The following TFB1M variants were observed in gnomAD, a reference collection of about 807,000 sequenced individuals.
The protein encoded by TFB1M is dimethyladenosine transferase 1, mitochondrial.
A neutral mutation model predicts 31.1 loss-of-function variants in TFB1M; 27 were observed. The observed-to-expected ratio is 0.87, with a 90% confidence interval of 0.64 to 1.20. The LOEUF is 1.20. TFB1M is among the 50% of genes most tolerant of loss of function. TFB1M has a pLI of 0.00. For synonymous variants in TFB1M, 166 were observed against 151.8 expected, an observed-to-expected ratio of 1.09 and a Z score of -0.69; for missense variants, 394 against 418.7, an observed-to-expected ratio of 0.94 and a Z score of 0.51.
intron 5 of TFB1M, among the ~76,000 whole-genome samples, chr6:155,270,613 A>C (rs1043274576): frequency 1.5e-4 from 23 of 152,188 alleles, no homozygotes; most frequent in African/African-American, 5.3e-4. Flanking sequence ...GAGAATAGAA[A>C]TGTACATTAA....
rs556452473 is a variant in TFB1M, at chr6:155,278,086, T to C, written c.666+7072A>G. ...TGAAATAATGGCCCAGTGTATTGTT[T>C]GGAAGTGGCAATCCTGCAATAAATG... On this transcript the variant is annotated intron_variant, in intron 5 of 6. Coordinates refer to ENST00000367166, the MANE Select transcript of TFB1M (RefSeq NM_016020.4). Among the ~76,000 whole-genome samples the C allele has an allele frequency of 4.6e-5, 7 of 152,326 alleles. No homozygotes were observed. In the East Asian group the frequency reaches 1.3e-3, roughly 29 times the overall value.
Position 155,290,661 on chromosome 6 carries a change from C to T in TFB1M, c.547-5384G>A, listed in dbSNP as rs970110950. ...AATAACCACAACTGACATGCTGAGT[C>T]ACCGAAAATATTACTCCACCTCTTC... On this transcript the variant is annotated intron_variant, in intron 4 of 6. Transcript: ENST00000367166. Among the ~76,000 whole-genome samples, 29 of 152,236 alleles carry T rather than the reference C, an allele frequency of 1.9e-4. 1 individual carries two copies. The highest frequency in any genetic ancestry group is 6.5e-4 in the African/African-American group (27 of 41,554).
Position 155,257,239 on chromosome 6 carries a change from TACATTTTCCCACAAA to T in TFB1M, c.*582_*596del. The T allele has an allele frequency of 1.8e-6, 2 of 1,131,242 alleles. No homozygotes were observed. The highest frequency in any genetic ancestry group is 2.5e-6 in the Non-Finnish European group (2 of 813,042). The allele number at this position is 1,131,242 out of a possible 1,614,324, so 70.1% of individuals were successfully genotyped here. A position where few individuals can be genotyped will look rare whatever the true frequency, so the allele number is the denominator to read the frequency against. ...GTTCATTCCTGGGTTTTGTGCAGTATACATTTTCCCACAAAATGGTTGTAAAGATTTAAGTTATTT... is the reference window on the plus strand; with the variant it reads ...GTTCATTCCTGGGTTTTGTGCAGTATATGGTTGTAAAGATTTAAGTTATTT... On this transcript the variant is annotated 3_prime_UTR_variant, in exon 7 of 7. Coordinates refer to ENST00000367166, the MANE Select transcript of TFB1M (RefSeq NM_016020.4).
rs1036107658 is a variant in TFB1M, at chr6:155,256,291, ACTGTAAAC to A, written c.*1537_*1544del. 2 of 769,344 alleles carry A rather than the reference ACTGTAAAC, an allele frequency of 2.6e-6. No homozygotes were observed. Among genetic ancestry groups the A allele is most frequent in the Non-Finnish European group, 4.1e-6 (2 of 488,232 alleles). The allele number at this position is 769,344 out of a possible 1,614,324, so 47.7% of individuals were successfully genotyped here. ...AAAATGCTGAATTGCCTAACTTACA[ACTGTAAAC>A]CTAAGTCAAAAATGTCCATGTTTTC... On this transcript the variant is annotated 3_prime_UTR_variant, in exon 7 of 7. Transcript: ENST00000367166.
Position 155,305,717 on chromosome 6 carries a change from ATATT to A in TFB1M, c.285+5467_285+5470del, listed in dbSNP as rs1462551747. Among the ~76,000 whole-genome samples the A allele has an allele frequency of 3.5e-4, 19 of 54,738 alleles. No individual in the cohort carries two copies. The Admixed American group carries it at 6.6e-3, about 19-fold the overall frequency. The allele number at this position is 54,738 out of a possible 152,430, so 35.9% of individuals were successfully genotyped here. ...TATATATAAATATATATTAAATTAT[ATATT>A]TATATATATATTAAATTATATATTT... On this transcript the variant is annotated intron_variant, in intron 2 of 6. Transcript: ENST00000367166.
intron 2 of TFB1M, chr6:155,299,617 C>T (rs2114784595): frequency 1.3e-5 from 2 of 152,346 alleles, no homozygotes; most frequent in East Asian, 3.9e-4. Flanking sequence ...AGAACCTTGG[C>T]TTCAACTCAG....
rs34434986 is a variant in TFB1M at position 155,276,000 on chromosome 6, G to A, written c.666+9158C>T. On this transcript the variant is annotated intron_variant, in intron 5 of 6. Coordinates refer to ENST00000367166, the MANE Select transcript of TFB1M (RefSeq NM_016020.4). ...CTGGCGTGTGTTCTGTCTGCTTTGG[G>A]GATCTGCACTTCCACAGTAGGAATG... is the stretch of plus-strand genomic sequence containing the variant. 0.014 allele frequency: 22,454 copies of A among 1,614,132 alleles called. 274 individuals carry two copies. Among genetic ancestry groups the A allele is most frequent in the Non-Finnish European group, 0.015 (17,222 of 1,180,022 alleles).
chr6:155,305,742 T>C (rs1294417374), intron 2 of TFB1M, among the ~76,000 whole-genome samples: 3 of 112,990 alleles, frequency 2.7e-5, no homozygotes, highest in African/African-American at 1.0e-4. Context: ...TTAAATTATA[T>C]ATTTATATAT....
At chr6:155,249,760 GAGTT>G in the TFB1M span, 1 of 1,095,398 alleles carries the variant, frequency 9.1e-7, no homozygotes, top group Non-Finnish European at 1.3e-6. Context: ...CTGGAATCCT[GAGTT>G]GAATCTTGAC....
intron 1 of TFB1M, 198 bp downstream of exon 1, chr6:155,314,098 T>G: frequency 1.4e-6 from 2 of 1,458,924 alleles, no homozygotes; most frequent in Admixed American, 2.3e-5. Context: ...ACGCGGAGTT[T>G]TGTGAGCAAT....
chr6:155,286,561 A>ATG (rs1776655782), intron 4 of TFB1M, among the ~76,000 whole-genome samples: 1 of 147,272 alleles, frequency 6.8e-6, no homozygotes, highest in East Asian at 2.0e-4. Flanking sequence ...GTGTATATAT[A>ATG]TGTATATATA....
At chr6:155,244,893 A>G in the TFB1M span, 3 of 1,310,370 alleles carry the variant, frequency 2.3e-6, no homozygotes, top group South Asian at 1.6e-5. Context: ...ACTATTGACT[A>G]TTTATTGTCC....
the TFB1M span, chr6:155,244,612 A>G: frequency 6.2e-7 from 1 of 1,600,892 alleles, no homozygotes. Context: ...TGGTGTCCTG[A>G]ACTTCATGGC....
At chr6:155,302,846 A>T (rs1484231561) in intron 2 of TFB1M, among the ~76,000 whole-genome samples, 3 of 152,182 alleles carry the variant, frequency 2.0e-5, no homozygotes, top group Non-Finnish European at 2.9e-5. Context: ...ATTGACTCAC[A>T]GTTCAGCATG....
At chr6:155,230,101 T>G in the TFB1M span, among the ~76,000 whole-genome samples, 1 of 151,796 alleles carries the variant, frequency 6.6e-6, no homozygotes, top group South Asian at 2.1e-4. Context: ...ATCCACCACA[T>G]AGCCCATCAT....
rs2114826781 is a variant in TFB1M at position 155,314,037 on chromosome 6, C to T, written c.133+259G>A. 3 of 1,319,108 alleles carry T rather than the reference C, an allele frequency of 2.3e-6. No individual in the cohort carries two copies. The South Asian group carries it at 4.6e-5, about 20-fold the overall frequency. 81.7% of individuals were successfully genotyped at this position (1,319,108 alleles called of 1,614,324 possible). On this transcript the variant is annotated intron_variant, in intron 1 of 6. Transcript: ENST00000367166. ...TTCACGACCCATGAACCCTTCCTCCCCTAGGGAGCTTGGCATTTATGCAGC... is the reference window on the plus strand; with the variant it reads ...TTCACGACCCATGAACCCTTCCTCCTCTAGGGAGCTTGGCATTTATGCAGC...
the TFB1M span, chr6:155,248,284 C>T: frequency 2.1e-5 from 27 of 1,300,792 alleles, no homozygotes; most frequent in South Asian, 4.5e-5. Flanking sequence ...CCTAGTGGCA[C>T]GTCCTAAGTC....
the TFB1M span, among the ~76,000 whole-genome samples, chr6:155,248,426 C>T: frequency 1.2e-4 from 19 of 152,220 alleles, no homozygotes; most frequent in Non-Finnish European, 1.9e-4. Flanking sequence ...CGCCATACTC[C>T]TCCTATGCAG....
chr6:155,300,249 T>C (rs1777364830), intron 2 of TFB1M, among the ~76,000 whole-genome samples: 1 of 152,212 alleles, frequency 6.6e-6, no homozygotes, highest in South Asian at 2.1e-4. Flanking sequence ...AAACATACTT[T>C]TAAGTCTGGA....
Sources: allele counts gnomAD v4.1 joint callset (sites outside exome capture counted in the v4.1 genomes callset), GRCh38; gene constraint gnomAD v4.1.1; transcripts MANE v1.5; gene names NCBI Gene and HGNC (gene_info 2026-07-23, HGNC 2026-07-21).